Variants in UPK1A observed in about 807,000 individuals in gnomAD.
UPK1A encodes uroplakin-1a.
In UPK1A, 31 loss-of-function variants were observed where a neutral mutation model predicts 32.3. The observed-to-expected ratio is 0.96, with a 90% CI of 0.72 to 1.30. The LOEUF is 1.30. UPK1A is among the 50% of genes most tolerant of loss of function. UPK1A has a pLI of 0.00. For missense variants in UPK1A, 340 were observed against 357.4 expected, an observed-to-expected ratio of 0.95 and a Z score of 0.39; for synonymous variants, 135 against 137.1, an observed-to-expected ratio of 0.98 and a Z score of 0.11.
intron 6 of UPK1A, 63 bp downstream of exon 6, chr19:35,676,082 C>T: frequency 2.0e-6 from 3 of 1,517,646 alleles, no homozygotes; most frequent in South Asian, 1.3e-5. Context: ...GGTCTCTGCT[C>T]CCTCTCTGAT....
At chr19:35,675,063 G>A (rs919338916) in intron 5 of UPK1A, among the ~76,000 whole-genome samples, 54 of 148,246 alleles carry the variant, frequency 3.6e-4, no homozygotes, top group African/African-American at 1.2e-3. Context: ...AAAAAAAGAA[G>A]AAGAAATTGA....
rs774668025 is a variant in UPK1A at position 35,673,510 on chromosome 19, G to A, written c.433G>A (p.Glu145Lys). ...CAGCGCGGACACCGACCAGGGCCAG[G>A]AGCTGACCCGCCTCTGGGACCGCGT... Residue 145 changes from glutamate (E) to lysine (K), a missense_variant, in exon 5 of 8, where the codon GAG (glutamate) becomes AAG (lysine). Physicochemically the swap from Glu to Lys is moderately conservative, Grantham distance 56. Transcript: ENST00000617999. 15 of 1,611,696 alleles carry A rather than the reference G, an allele frequency of 9.3e-6. No individual in the cohort carries two copies. The highest frequency in any genetic ancestry group is 1.7e-5 in the Admixed American group (1 of 59,802).
intron 3 of UPK1A, among the ~76,000 whole-genome samples, chr19:35,669,498 C>CT (rs535837799): frequency 1.1e-3 from 126 of 113,476 alleles, no homozygotes; most frequent in African/African-American, 4.2e-3. Flanking sequence ...AATCCCATCT[C>CT]TAAAAAAAAA....
At position 35,666,553 on chromosome 19, in the gene UPK1A, C is replaced by G; in HGVS notation, c.-5+15C>G. 1 of 497,574 alleles carries G rather than the reference C, an allele frequency of 2.0e-6. No individual in the cohort carries two copies. The highest frequency in any genetic ancestry group is 3.6e-6 in the Non-Finnish European group (1 of 274,802). The allele number at this position is 497,574 out of a possible 1,614,324, so 30.8% of individuals were successfully genotyped here. A position where few individuals can be genotyped will look rare whatever the true frequency, so the allele number is the denominator to read the frequency against. ...AGACAGAGAAGGTGAGGAGGGGGCC[C>G]TGGGAGTCTGGGTATGGCATGAGGG... is the stretch of plus-strand genomic sequence containing the variant. On this transcript the variant is annotated intron_variant, in intron 1 of 7. Transcript: ENST00000617999.
chr19:35,667,254 A>C (rs73600881), intron 2 of UPK1A, among the ~76,000 whole-genome samples: 14,497 of 152,232 alleles, frequency 0.095, 793 homozygotes, highest in East Asian at 0.13. Flanking sequence ...GGAGGCCACA[A>C]GAAGGAAAAA....
intron 3 of UPK1A, among the ~76,000 whole-genome samples, chr19:35,669,609 T>C (rs1941545269): frequency 6.6e-6 from 1 of 151,938 alleles, no homozygotes; most frequent in Non-Finnish European, 1.5e-5. Flanking sequence ...AGGCAGAGGT[T>C]GCAGTGAGCC....
At chr19:35,676,143 C>A in intron 6 of UPK1A, 124 bp downstream of exon 6, 1 of 1,059,530 alleles carries the variant, frequency 9.4e-7, no homozygotes, top group South Asian at 1.6e-5. Context: ...TCCCTCTCCT[C>A]TTCCCCTCTC....
exon 4 of UPK1A, chr19:35,673,278 G>C (rs1968130037): frequency 1.3e-5 from 21 of 1,613,920 alleles, no homozygotes; most frequent in Non-Finnish European, 1.7e-5. Context: ...TGCGCCTCCT[G>C]CATCACGTCC....
chr19:35,678,054 A>C, exon 8 of UPK1A: 1 of 1,537,260 alleles, frequency 6.5e-7, no homozygotes, highest in Non-Finnish European at 8.8e-7. Context: ...CACACCCCGG[A>C]CTCCTCCGCA....
intron 5 of UPK1A, among the ~76,000 whole-genome samples, chr19:35,674,986 G>A (rs1220638972): frequency 6.7e-6 from 1 of 149,870 alleles, no homozygotes; most frequent in African/African-American, 2.5e-5. Flanking sequence ...AGGTTGCAGT[G>A]AGCCAAGATG....
At chr19:35,674,312 T>G (rs1261290486) in intron 5 of UPK1A, among the ~76,000 whole-genome samples, 1 of 146,198 alleles carries the variant, frequency 6.8e-6, no homozygotes, top group Admixed American at 7.0e-5. Flanking sequence ...AGTGGCGCGA[T>G]CTCGGCTCAC....
intron 3 of UPK1A, among the ~76,000 whole-genome samples, chr19:35,671,126 C>T (rs73600892): frequency 0.096 from 14,545 of 151,878 alleles, 798 homozygotes; most frequent in East Asian, 0.13. Context: ...CGGTGGCTCA[C>T]GCCTGTAATC....
chr19:35,676,184 TTTCTTTCTTTC>T, intron 6 of UPK1A, 165 bp downstream of exon 6: 1 of 884,324 alleles, frequency 1.1e-6, no homozygotes, highest in Non-Finnish European at 1.7e-6. Context: ...TCTTTCTTTC[TTTCTTTCTTTC>T]TTTTTTTTTT....
At chr19:35,676,195 C>CTTTCTT in intron 6 of UPK1A, 176 bp downstream of exon 6, 3 of 589,686 alleles carry the variant, frequency 5.1e-6, no homozygotes, top group African/African-American at 4.3e-5. Context: ...TTCTTTCTTT[C>CTTTCTT]TTTTTTTTTT....
At chr19:35,676,008 C>T in exon 6 of UPK1A, 1 of 1,613,142 alleles carries the variant, frequency 6.2e-7, no homozygotes, top group Non-Finnish European at 8.5e-7. Flanking sequence ...CATGGACTAC[C>T]TGTTCACCAA....
intron 5 of UPK1A, among the ~76,000 whole-genome samples, chr19:35,674,308 G>A (rs1599632327): frequency 1.4e-5 from 2 of 144,456 alleles, no homozygotes; most frequent in South Asian, 2.2e-4. Flanking sequence ...ATGCAGTGGC[G>A]CGATCTCGGC....
At chr19:35,673,359 G>T in intron 4 of UPK1A, 53 bp downstream of exon 4, 1 of 1,611,662 alleles carries the variant, frequency 6.2e-7, no homozygotes, top group Non-Finnish European at 8.5e-7. Flanking sequence ...AGGGGCGAGG[G>T]TCCCGGCGCG....
intron 3 of UPK1A, among the ~76,000 whole-genome samples, chr19:35,668,915 T>C (rs966903685): frequency 6.6e-6 from 1 of 151,042 alleles, no homozygotes; most frequent in Non-Finnish European, 1.5e-5. Context: ...AACTCCTGGC[T>C]CAAATGATTC....
rs190041838 is a variant in UPK1A at position 35,673,630 on chromosome 19, G to C, written c.468+85G>C. The C allele has an allele frequency of 4.2e-4, 514 of 1,214,760 alleles. 3 individuals carry two copies. In the African/African-American group the frequency reaches 6.6e-3, roughly 16 times the overall value. 75.2% of individuals were successfully genotyped at this position (1,214,760 alleles called of 1,614,324 possible). A position where few individuals can be genotyped will look rare whatever the true frequency, so the allele number is the denominator to read the frequency against. On this transcript the variant is annotated intron_variant, in intron 5 of 7. Transcript: ENST00000617999. ...AGCTCCCGATGTGCCAGCTTTTAGA[G>C]GAGTGAGTGCCTTAAAGACATCCGC...
Sources: allele counts gnomAD v4.1 joint callset (sites outside exome capture counted in the v4.1 genomes callset), GRCh38; gene constraint gnomAD v4.1.1; transcripts MANE v1.5; gene names NCBI Gene and HGNC (gene_info 2026-07-23, HGNC 2026-07-21).